GXYLT2: variants seen among roughly 807,000 people sequenced by gnomAD.
GXYLT2 encodes glycosyltransferase 8 domain containing 4.
Under a neutral mutation model 45.8 loss-of-function variants are expected in GXYLT2, and 53 were observed. The observed-to-expected ratio is 1.16, with a 90% CI of 0.93 to 1.46. The LOEUF is 1.46. GXYLT2 is among the 40% of genes most tolerant of loss of function. GXYLT2 has a pLI of 0.00. For synonymous variants in GXYLT2, 219 were observed against 214.2 expected, an observed-to-expected ratio of 1.02 and a Z score of -0.19; for missense variants, 551 against 544.4, an observed-to-expected ratio of 1.01 and a Z score of -0.12.
chr3:72,954,189 C>T (rs775141623), intron 3 of GXYLT2, among the ~76,000 whole-genome samples: 5 of 152,006 alleles, frequency 3.3e-5, no homozygotes, highest in Admixed American at 2.0e-4. Flanking sequence ...CTGGAACCTC[C>T]GCCCCCTCCC....
At chr3:72,929,377 T>A (rs989902597) in intron 3 of GXYLT2, 2 of 1,061,686 alleles carry the variant, frequency 1.9e-6, no homozygotes, top group Non-Finnish European at 2.9e-6. Flanking sequence ...AAAAAAAATA[T>A]GAGTCAGTCA....
intron 2 of GXYLT2, among the ~76,000 whole-genome samples, chr3:72,919,826 G>C (rs1466785251): frequency 6.6e-6 from 1 of 152,142 alleles, no homozygotes; most frequent in African/African-American, 2.4e-5. Flanking sequence ...GGATTTTTAC[G>C]GTAGTGACAC....
chr3:72,925,520 A>G (rs1559736677), intron 3 of GXYLT2, among the ~76,000 whole-genome samples: 1 of 152,148 alleles, frequency 6.6e-6, no homozygotes, highest in South Asian at 2.1e-4. Context: ...GGGGTAGGAA[A>G]AGACTCCCTC....
chr3:72,915,222 G>A (rs1709711636), intron 2 of GXYLT2, among the ~76,000 whole-genome samples: 1 of 151,808 alleles, frequency 6.6e-6, no homozygotes, highest in African/African-American at 2.4e-5. Flanking sequence ...ACTAAAACAT[G>A]GTGAGGAGTT....
chr3:72,958,852 G>C (rs377546816), intron 5 of GXYLT2, among the ~76,000 whole-genome samples: 3 of 151,296 alleles, frequency 2.0e-5, no homozygotes, highest in African/African-American at 7.3e-5. Flanking sequence ...GGCTGGTCTC[G>C]AGCTCCTGAC....
intron 1 of GXYLT2, among the ~76,000 whole-genome samples, chr3:72,902,222 A>G (rs1433295424): frequency 1.3e-5 from 2 of 152,206 alleles, no homozygotes; most frequent in Admixed American, 1.3e-4. Flanking sequence ...TCTGGGTCAT[A>G]TGGTACCTTC....
At chr3:72,943,017 T>C (rs763274631) in intron 3 of GXYLT2, among the ~76,000 whole-genome samples, 4 of 152,200 alleles carry the variant, frequency 2.6e-5, no homozygotes, top group Non-Finnish European at 5.9e-5. Context: ...CTCTGAACTT[T>C]TTACACCTCT....
At chr3:72,967,808 A>G (rs1710895987) in intron 6 of GXYLT2, 89 bp downstream of exon 6, 3 of 1,078,264 alleles carry the variant, frequency 2.8e-6, no homozygotes, top group Admixed American at 4.1e-5. Flanking sequence ...TGAAGGCCAA[A>G]TATTCCCAAA....
intron 1 of GXYLT2, among the ~76,000 whole-genome samples, chr3:72,889,917 T>G (rs1346440425): frequency 6.7e-6 from 1 of 150,122 alleles, no homozygotes; most frequent in African/African-American, 2.5e-5. Context: ...GTTTTTTTTT[T>G]TTTTTTGTGA....
rs2107080554 is a variant in GXYLT2 at position 72,908,637 on chromosome 3, C to T, written c.468+78C>T. 3 of 1,173,232 alleles carry T rather than the reference C, an allele frequency of 2.6e-6. No homozygotes were observed. The East Asian group carries it at 7.1e-5, about 28-fold the overall frequency. 72.7% of individuals were successfully genotyped at this position (1,173,232 alleles called of 1,614,324 possible). On this transcript the variant is annotated intron_variant, in intron 2 of 6. Transcript: ENST00000389617. Reference sequence around the variant, plus strand: ...TTTTAGGAACTGCATATTCTGTTAACTAATGTATTTTGCTGCATGTTCAAT... The same window carrying T: ...TTTTAGGAACTGCATATTCTGTTAATTAATGTATTTTGCTGCATGTTCAAT...
At chr3:72,966,785 C>A (rs1007774900) in intron 5 of GXYLT2, among the ~76,000 whole-genome samples, 1 of 152,086 alleles carries the variant, frequency 6.6e-6, no homozygotes, top group Admixed American at 6.6e-5. Context: ...GCCACCATGG[C>A]TGGCTAATTT....
At chr3:72,918,559 T>C (rs1709776973) in intron 2 of GXYLT2, among the ~76,000 whole-genome samples, 1 of 152,152 alleles carries the variant, frequency 6.6e-6, no homozygotes, top group African/African-American at 2.4e-5. Flanking sequence ...CCACGGTGGC[T>C]CATGCGTGTA....
chr3:72,905,693 C>T (rs1367779527), intron 1 of GXYLT2, among the ~76,000 whole-genome samples: 2 of 152,144 alleles, frequency 1.3e-5, no homozygotes, highest in Non-Finnish European at 2.9e-5. Context: ...CACCTGTGCT[C>T]TATGTTGCCA....
At chr3:72,929,140 C>T (rs1232847159) in intron 3 of GXYLT2, 1 of 1,588,580 alleles carries the variant, frequency 6.3e-7, no homozygotes, top group Non-Finnish European at 8.5e-7. Context: ...ACGCCTCCTA[C>T]GTTTACCTGT....
chr3:72,907,373 G>A (rs1471728240), intron 1 of GXYLT2, among the ~76,000 whole-genome samples: 3 of 152,202 alleles, frequency 2.0e-5, no homozygotes, highest in Non-Finnish European at 4.4e-5. Context: ...TAATGGAGCA[G>A]CAAGCTGATT....
intron 2 of GXYLT2, among the ~76,000 whole-genome samples, chr3:72,911,348 G>T (rs1709616821): frequency 6.6e-6 from 1 of 152,116 alleles, no homozygotes; most frequent in Admixed American, 6.5e-5. Context: ...TATCTGTTTA[G>T]CAGGTTGTAC....
intron 2 of GXYLT2, among the ~76,000 whole-genome samples, chr3:72,915,969 G>A (rs969785341): frequency 6.6e-6 from 1 of 152,028 alleles, no homozygotes; most frequent in Non-Finnish European, 1.5e-5. Flanking sequence ...GGTCCTTGTT[G>A]TCTTACCTTC....
At position 72,922,207 on chromosome 3, in the gene GXYLT2, C is replaced by T. The variant is rs200344844; in HGVS notation, c.472C>T (p.Arg158Cys). 106 of 1,611,426 alleles carry T rather than the reference C, an allele frequency of 6.6e-5. No individual in the cohort carries two copies. The highest frequency in any genetic ancestry group is 1.7e-4 in the Middle Eastern group (1 of 6,050). Reference sequence around the variant, plus strand: ...CCTTGCTTCCCATGTTTTTCAGTTACGCCAGTGGCCTGACTCATATACAAA... The same window carrying T: ...CCTTGCTTCCCATGTTTTTCAGTTATGCCAGTGGCCTGACTCATATACAAA... ...SLKPEFDKQL[R>C]QWPDSYTKKF... Residue 158 changes from arginine to cysteine, a missense_variant, in exon 3 of 7, where the codon CGC becomes TGC. Arg to Cys is a radical substitution (Grantham distance 180). Coordinates refer to ENST00000389617, the MANE Select transcript of GXYLT2 (RefSeq NM_001080393.2).
intron 3 of GXYLT2, among the ~76,000 whole-genome samples, chr3:72,931,487 T>C (rs746417007): frequency 1.3e-5 from 2 of 152,014 alleles, no homozygotes; most frequent in Non-Finnish European, 2.9e-5. Flanking sequence ...CCTCGGCCTC[T>C]CAAAGTGCTA....
Sources: allele counts gnomAD v4.1 joint callset (sites outside exome capture counted in the v4.1 genomes callset), GRCh38; gene constraint gnomAD v4.1.1; transcripts MANE v1.5; gene names NCBI Gene and HGNC (gene_info 2026-07-23, HGNC 2026-07-21).